LINGO2: variants seen among roughly 807,000 people sequenced by gnomAD.
LINGO2 encodes the protein leucine-rich repeat and immunoglobulin-like domain-containing nogo receptor-interacting protein 2.
Under a neutral mutation model 30.6 loss-of-function variants are expected in LINGO2, and 14 were observed. The ratio of observed to expected loss-of-function variants is 0.46; its 90% CI spans 0.30 to 0.72. The LOEUF (loss-of-function observed/expected upper bound fraction) is 0.72, where lower values mean the gene tolerates loss of function less well. Among genes scored for constraint, LINGO2 ranks in the 30% least tolerant of loss-of-function variants. The probability of loss-of-function intolerance (pLI) is 0.07; values close to 1 mark genes in which losing one functional copy is unlikely to be tolerated. For synonymous variants in LINGO2, 317 were observed against 288.5 expected, an observed-to-expected ratio of 1.10 and a Z score of -1.00; for missense variants, 729 against 751.7, an observed-to-expected ratio of 0.97 and a Z score of 0.35.
the LINGO2 span, among the ~76,000 whole-genome samples, chr9:29,181,048 T>C: frequency 2.0e-5 from 3 of 152,204 alleles, no homozygotes; most frequent in Admixed American, 2.0e-4. Context: ...AGGAATACTT[T>C]GTATTCACAG....
chr9:29,123,012 T>C, the LINGO2 span, among the ~76,000 whole-genome samples: 2 of 152,090 alleles, frequency 1.3e-5, no homozygotes, highest in Non-Finnish European at 2.9e-5. Flanking sequence ...AGAATCTGCA[T>C]TTATAATTCA....
intron 3 of LINGO2, among the ~76,000 whole-genome samples, chr9:28,332,083 A>T (rs1475403295): frequency 2.0e-5 from 3 of 152,188 alleles, no homozygotes; most frequent in African/African-American, 7.2e-5. Context: ...TAATTAAAGC[A>T]CACAGTTATG....
intron 1 of LINGO2, among the ~76,000 whole-genome samples, chr9:28,563,525 T>C (rs564282860): frequency 2.8e-4 from 43 of 152,278 alleles, no homozygotes; most frequent in African/African-American, 9.9e-4. Flanking sequence ...TAGAAACACA[T>C]GTAATCTCAA....
intron 4 of LINGO2, among the ~76,000 whole-genome samples, chr9:28,216,942 A>G (rs1289600993): frequency 2.0e-5 from 3 of 151,864 alleles, no homozygotes; most frequent in Non-Finnish European, 4.4e-5. Context: ...TTCAATTTAC[A>G]TGCCAACATC....
At chr9:28,843,962 A>C in the LINGO2 span, among the ~76,000 whole-genome samples, 47 of 151,964 alleles carry the variant, frequency 3.1e-4, 1 homozygote, top group Admixed American at 1.7e-3. Context: ...TTAATTATCT[A>C]TCTGAATCCA....
chr9:28,141,375 G>A lies in LINGO2; in HGVS notation c.-86-128970C>T, dbSNP rs186381776. ...TGTGTTTGTAACAAGACTGGCAGAT[G>A]CTAGTGGCATTTAGTAGTCAGAAGC... On this transcript the variant is annotated intron_variant, in intron 4 of 5. Coordinates refer to ENST00000379992, the Ensembl canonical transcript of LINGO2. 7.2e-5 allele frequency among the ~76,000 whole-genome samples: 11 copies of A among 152,320 alleles called. No homozygotes were observed. In the East Asian group the frequency reaches 1.7e-3, roughly 24 times the overall value.
chr9:28,076,818 C>T (rs1454259893), intron 4 of LINGO2, among the ~76,000 whole-genome samples: 1 of 152,092 alleles, frequency 6.6e-6, no homozygotes, highest in Non-Finnish European at 1.5e-5. Context: ...TGAAAAGTTA[C>T]CTGTCAAACT....
chr9:28,577,480 C>G (rs1205758970), intron 1 of LINGO2, among the ~76,000 whole-genome samples: 1 of 152,084 alleles, frequency 6.6e-6, no homozygotes, highest in Non-Finnish European at 1.5e-5. Context: ...CATTCCCTAA[C>G]CCACTGTCCA....
chr9:28,498,253 G>A (rs1360824045), intron 1 of LINGO2, among the ~76,000 whole-genome samples: 3 of 152,206 alleles, frequency 2.0e-5, no homozygotes, highest in African/African-American at 7.2e-5. Flanking sequence ...CCTGCCCCCA[G>A]AGGTGGAGTC....
chr9:28,429,190 TCTG>T (rs754364243), intron 2 of LINGO2, among the ~76,000 whole-genome samples: 4 of 152,206 alleles, frequency 2.6e-5, no homozygotes, highest in Non-Finnish European at 4.4e-5. Context: ...CAAAGAGTAT[TCTG>T]CTATTATCCT....
the LINGO2 span, among the ~76,000 whole-genome samples, chr9:29,171,034 T>C: frequency 6.6e-6 from 1 of 152,142 alleles, no homozygotes; most frequent in Non-Finnish European, 1.5e-5. Flanking sequence ...TCTTTTTTTA[T>C]TTGAAGAACT....
the LINGO2 span, among the ~76,000 whole-genome samples, chr9:29,130,379 G>A: frequency 9.9e-5 from 15 of 152,122 alleles, no homozygotes; most frequent in Admixed American, 9.8e-4. Flanking sequence ...TCAAGGGGTT[G>A]CTGAGGTTCT....
intron 4 of LINGO2, among the ~76,000 whole-genome samples, chr9:28,132,681 A>G (rs1025059815): frequency 1.3e-5 from 2 of 152,200 alleles, no homozygotes; most frequent in Non-Finnish European, 2.9e-5. Flanking sequence ...TTCAAATGTA[A>G]TAAAACTACA....
the LINGO2 span, among the ~76,000 whole-genome samples, chr9:29,008,557 T>A: frequency 6.6e-6 from 1 of 152,174 alleles, no homozygotes; most frequent in Admixed American, 6.6e-5. Flanking sequence ...TGTAAAAGTG[T>A]TCCTATTTCT....
chr9:29,107,915 A>G, the LINGO2 span, among the ~76,000 whole-genome samples: 1 of 151,304 alleles, frequency 6.6e-6, no homozygotes, highest in African/African-American at 2.4e-5. Context: ...TAAAAAAAAA[A>G]CAAACCAAAA....
chr9:28,885,580 T>TTATTTACTATAATAACAATAA, the LINGO2 span, among the ~76,000 whole-genome samples: 2 of 151,840 alleles, frequency 1.3e-5, no homozygotes, highest in African/African-American at 4.8e-5. Flanking sequence ...TTAAAGTGTG[T>TTATTTACTATAATAACAATAA]CAATAGCAAT....
At chr9:28,693,018 T>A in the LINGO2 span, among the ~76,000 whole-genome samples, 1 of 152,132 alleles carries the variant, frequency 6.6e-6, no homozygotes, top group Admixed American at 6.6e-5. Context: ...AGATCTATGA[T>A]GAAAAAAATT....
intron 1 of LINGO2, among the ~76,000 whole-genome samples, chr9:28,640,653 T>A (rs1404802494): frequency 5.3e-5 from 8 of 152,110 alleles, no homozygotes; most frequent in Admixed American, 5.2e-4. Context: ...CACGTAGTTC[T>A]CGTGCCATGG....
intron 4 of LINGO2, among the ~76,000 whole-genome samples, chr9:28,128,951 A>G (rs1371768574): frequency 6.6e-6 from 1 of 152,170 alleles, no homozygotes; most frequent in Non-Finnish European, 1.5e-5. Context: ...GCCGCTAGGA[A>G]AAGCAAGCAG....
Sources: gnomAD v4.1 joint callset for allele counts (sites outside exome capture counted in the v4.1 genomes callset) on GRCh38, gnomAD v4.1.1 for gene constraint, MANE v1.5 for transcripts, NCBI Gene and HGNC (gene_info 2026-07-23, HGNC 2026-07-21) for gene names.